The following FZD3 variants were observed in gnomAD, a reference collection of about 807,000 sequenced individuals.
FZD3 encodes the protein frizzled class receptor 3, also known as frizzled-3.
FZD3 carries 30 observed loss-of-function variants against 60.7 expected under a neutral mutation model. That is an observed-to-expected ratio of 0.49 (90% CI 0.37 to 0.67). The LOEUF is 0.67. Among genes scored for constraint, FZD3 ranks in the 30% least tolerant of loss-of-function variants. The pLI, the probability that FZD3 is intolerant of heterozygous loss-of-function variation, is 0.00. For synonymous variants in FZD3, 246 were observed against 275.2 expected, an observed-to-expected ratio of 0.89 and a Z score of 1.05; for missense variants, 605 against 838.7, an observed-to-expected ratio of 0.72 and a Z score of 3.44.
At chr8:28,504,942 C>T (rs7842884) in intron 3 of FZD3, among the ~76,000 whole-genome samples, 93,471 of 152,044 alleles carry the variant, frequency 0.61, 29,038 homozygotes, top group East Asian at 0.68. Context: ...ATTTCAGACA[C>T]TGACATTCTG....
At chr8:28,516,888 A>G (rs967901158) in intron 3 of FZD3, among the ~76,000 whole-genome samples, 5 of 152,090 alleles carry the variant, frequency 3.3e-5, no homozygotes, top group Non-Finnish European at 7.4e-5. Context: ...GACTTATAAT[A>G]TTCTAATAGA....
chr8:28,552,108 A>G (rs1805422385), intron 6 of FZD3, among the ~76,000 whole-genome samples: 1 of 152,222 alleles, frequency 6.6e-6, no homozygotes, highest in African/African-American at 2.4e-5. Flanking sequence ...AGGTTGACAT[A>G]TATTCTCATC....
intron 2 of FZD3, among the ~76,000 whole-genome samples, chr8:28,501,350 C>A (rs1380873712): frequency 6.6e-6 from 1 of 152,168 alleles, no homozygotes; most frequent in East Asian, 1.9e-4. Flanking sequence ...ACATGGAGTT[C>A]CCAGTCATTG....
At chr8:28,542,915 C>T (rs973032703) in intron 5 of FZD3, among the ~76,000 whole-genome samples, 2 of 152,122 alleles carry the variant, frequency 1.3e-5, no homozygotes, top group Admixed American at 1.3e-4. Context: ...GCTGTGTGAC[C>T]TTGCAGATCA....
intron 1 of FZD3, among the ~76,000 whole-genome samples, chr8:28,495,817 ATAAC>A (rs1803828858): frequency 6.6e-6 from 1 of 152,186 alleles, no homozygotes; most frequent in South Asian, 2.1e-4. Context: ...AAGATAAAAT[ATAAC>A]TAAGATGCAG....
At chr8:28,523,648 G>T (rs933512469) in intron 4 of FZD3, among the ~76,000 whole-genome samples, 1 of 151,942 alleles carries the variant, frequency 6.6e-6, no homozygotes, top group South Asian at 2.1e-4. Flanking sequence ...TGTTGCCCAG[G>T]GAGGTCACAA....
Position 28,565,855 on chromosome 8 carries a change from A to T in FZD3, c.*2844A>T. On this transcript the variant is annotated 3_prime_UTR_variant, in exon 8 of 8. Transcript: ENST00000240093. ...TTTTCCTACCATATGTTTAACTTTG[A>T]TTGGCATATGATAATGTTTAGTGTT... is the stretch of plus-strand genomic sequence containing the variant. 1 of 152,150 alleles carries T rather than the reference A, an allele frequency of 6.6e-6. No individual in the cohort carries two copies. Among genetic ancestry groups the T allele is most frequent in the Non-Finnish European group, 1.5e-5 (1 of 67,990 alleles). 9.4% of individuals were successfully genotyped at this position (152,150 alleles called of 1,614,324 possible).
At chr8:28,497,812 GCTTTCCT>G (rs1282151768) in intron 1 of FZD3, among the ~76,000 whole-genome samples, 1 of 152,140 alleles carries the variant, frequency 6.6e-6, no homozygotes, top group Non-Finnish European at 1.5e-5. Flanking sequence ...GATTCAGCCT[GCTTTCCT>G]CTTCACAGTT....
Position 28,521,948 on chromosome 8 carries a change from C to G in FZD3, c.386+1114C>G, listed in dbSNP as rs566118716. Among the ~76,000 whole-genome samples, 82 of 152,216 alleles carry G rather than the reference C, an allele frequency of 5.4e-4. 1 individual carries two copies. In the South Asian group the frequency reaches 0.016, roughly 29 times the overall value. On this transcript the variant is annotated intron_variant, in intron 4 of 7. Coordinates refer to ENST00000240093, the MANE Select transcript of FZD3 (RefSeq NM_017412.4). ...TAATAGCTCTTGGAGGCGAGTAAAG[C>G]AGATGTTGTTACTCTTACTTGACAG...
chr8:28,515,648 C>G (rs2323018), intron 3 of FZD3, among the ~76,000 whole-genome samples: 81,619 of 151,924 alleles, frequency 0.54, 22,337 homozygotes, highest in South Asian at 0.63. Context: ...AGAGGAAGGT[C>G]ATACACCAGT....
rs902178455 is a variant in FZD3 at position 28,566,451 on chromosome 8, C to G, written c.*3440C>G. 9.9e-5 allele frequency: 15 copies of G among 152,048 alleles called. No individual in the cohort carries two copies. Among genetic ancestry groups the G allele is most frequent in the Admixed American group, 9.8e-4 (15 of 15,266 alleles). 9.4% of individuals were successfully genotyped at this position (152,048 alleles called of 1,614,324 possible). A position where few individuals can be genotyped will look rare whatever the true frequency, so the allele number is the denominator to read the frequency against. On this transcript the variant is annotated 3_prime_UTR_variant, in exon 8 of 8. Coordinates refer to ENST00000240093, the MANE Select transcript of FZD3 (RefSeq NM_017412.4). ...TGAGTAAATGAATCTTCAAATCAAC[C>G]TTTCTTTTTCTGCTGCTCTTAGAGC...
At chr8:28,508,425 CT>C (rs35048077) in intron 3 of FZD3, among the ~76,000 whole-genome samples, 3,475 of 129,806 alleles carry the variant, frequency 0.027, 65 homozygotes, top group East Asian at 0.1. Flanking sequence ...CTAGGGAATA[CT>C]TTTTTTTTTT....
intron 5 of FZD3, among the ~76,000 whole-genome samples, chr8:28,533,362 T>G (rs1804928457): frequency 6.6e-6 from 1 of 152,182 alleles, no homozygotes; most frequent in African/African-American, 2.4e-5. Flanking sequence ...ATTCAATTAT[T>G]TCTTGTCTTA....
chr8:28,524,967 G>T (rs6987561), intron 4 of FZD3, among the ~76,000 whole-genome samples: 88,992 of 152,046 alleles, frequency 0.59, 26,232 homozygotes, highest in East Asian at 0.64. Context: ...ATTCAAGTTA[G>T]GCATTCTGTT....
intron 5 of FZD3, among the ~76,000 whole-genome samples, chr8:28,536,024 G>A (rs915406052): frequency 2.6e-5 from 4 of 152,160 alleles, no homozygotes; most frequent in African/African-American, 9.7e-5. Context: ...GTTAAATACA[G>A]TAATATCTAC....
At chr8:28,549,481 G>A (rs1328280956) in intron 5 of FZD3, among the ~76,000 whole-genome samples, 2 of 151,866 alleles carry the variant, frequency 1.3e-5, no homozygotes, top group African/African-American at 4.8e-5. Context: ...TATTCTCTTA[G>A]TTTTTCCAGG....
At chr8:28,556,248 T>C (rs540824046) in intron 7 of FZD3, among the ~76,000 whole-genome samples, 3 of 152,292 alleles carry the variant, frequency 2.0e-5, no homozygotes, top group African/African-American at 7.2e-5. Context: ...TAAACAATTA[T>C]GGAACACCTA....
At chr8:28,531,739 G>C (rs1188159899) in intron 5 of FZD3, among the ~76,000 whole-genome samples, 1 of 152,086 alleles carries the variant, frequency 6.6e-6, no homozygotes, top group Non-Finnish European at 1.5e-5. Context: ...GGGTTTCTCT[G>C]TGATTTACCT....
intron 5 of FZD3, among the ~76,000 whole-genome samples, chr8:28,533,028 ATTTC>A (rs949486696): frequency 2.0e-5 from 3 of 151,982 alleles, no homozygotes; most frequent in Non-Finnish European, 2.9e-5. Flanking sequence ...CAGGTCTTTT[ATTTC>A]TTCTTGAGGC....
Sources: allele counts gnomAD v4.1 joint callset (sites outside exome capture counted in the v4.1 genomes callset), GRCh38; gene constraint gnomAD v4.1.1; transcripts MANE v1.5; gene names NCBI Gene and HGNC (gene_info 2026-07-23, HGNC 2026-07-21).